Variants in KCNN2 observed in about 807,000 individuals in gnomAD.
KCNN2 encodes the protein potassium calcium-activated channel subfamily N member 2.
In KCNN2, 24 loss-of-function variants were observed where a neutral mutation model predicts 55.5. The ratio of observed to expected loss-of-function variants is 0.43; its 90% CI spans 0.31 to 0.61. KCNN2 has a LOEUF of 0.61. Among genes scored for constraint, KCNN2 ranks in the 20% least tolerant of loss-of-function variants. The probability of loss-of-function intolerance (pLI) is 0.08; values close to 1 mark genes in which losing one functional copy is unlikely to be tolerated. For missense variants in KCNN2, 754 were observed against 853.6 expected (o/e 0.88, Z 1.45); for synonymous variants, 431 against 336.1 (o/e 1.28, Z -3.09).
intron 1 of KCNN2, among the ~76,000 whole-genome samples, chr5:114,184,330 A>G (rs1412023039): frequency 6.6e-6 from 1 of 152,188 alleles, no homozygotes; most frequent in African/African-American, 2.4e-5. Flanking sequence ...AAATATTATC[A>G]GATTGGCAGC....
intron 2 of KCNN2, among the ~76,000 whole-genome samples, chr5:114,372,963 G>A (rs991686554): frequency 2.0e-5 from 3 of 152,040 alleles, no homozygotes; most frequent in Admixed American, 2.0e-4. Flanking sequence ...ATTAACTTTT[G>A]TGAGCATCTC....
At chr5:114,256,875 C>T (rs1754993180) in intron 2 of KCNN2, among the ~76,000 whole-genome samples, 1 of 152,034 alleles carries the variant, frequency 6.6e-6, no homozygotes, top group Non-Finnish European at 1.5e-5. Flanking sequence ...AATTAAGTCC[C>T]ATTTGTCTAT....
chr5:114,430,742 T>C (rs918472104), intron 3 of KCNN2, among the ~76,000 whole-genome samples: 15 of 152,066 alleles, frequency 9.9e-5, no homozygotes, highest in African/African-American at 3.4e-4. Flanking sequence ...TTTGTGGATG[T>C]TTTTTACCAA....
chr5:114,485,802 C>G (rs1027562888), intron 5 of KCNN2, among the ~76,000 whole-genome samples: 1 of 152,026 alleles, frequency 6.6e-6, no homozygotes, highest in East Asian at 1.9e-4. Context: ...TAATGTTGCT[C>G]AAAAAGAAAA....
chr5:114,366,278 G>T (rs901962722), intron 2 of KCNN2, among the ~76,000 whole-genome samples: 4 of 152,088 alleles, frequency 2.6e-5, no homozygotes, highest in African/African-American at 7.2e-5. Context: ...CTTCCTTACT[G>T]TTGGTCAACA....
intron 1 of KCNN2, among the ~76,000 whole-genome samples, chr5:114,115,357 T>C (rs563682462): frequency 1.3e-5 from 2 of 152,260 alleles, no homozygotes; most frequent in Non-Finnish European, 2.9e-5. Context: ...CCTCAGACCA[T>C]AGCTAGCATT....
chr5:114,310,970 C>T (rs1182275364), intron 2 of KCNN2, among the ~76,000 whole-genome samples: 1 of 152,072 alleles, frequency 6.6e-6, no homozygotes, highest in Non-Finnish European at 1.5e-5. Context: ...AAAGTCTACC[C>T]TCTTTTGCTG....
At chr5:114,425,305 C>T (rs1759586117) in intron 3 of KCNN2, among the ~76,000 whole-genome samples, 1 of 152,186 alleles carries the variant, frequency 6.6e-6, no homozygotes, top group African/African-American at 2.4e-5. Context: ...ATATATCATG[C>T]ATGTCTGAAG....
chr5:114,447,684 A>C (rs539625715), intron 3 of KCNN2, among the ~76,000 whole-genome samples: 37 of 152,316 alleles, frequency 2.4e-4, no homozygotes, highest in African/African-American at 8.4e-4. Flanking sequence ...TGGGGAAAAA[A>C]AAAGTTTGTT....
intron 2 of KCNN2, among the ~76,000 whole-genome samples, chr5:114,249,962 T>C (rs1754826189): frequency 1.3e-5 from 2 of 152,172 alleles, no homozygotes; most frequent in Admixed American, 1.3e-4. Flanking sequence ...ACGTATAACA[T>C]TCTTTTTATG....
At chr5:114,165,237 C>T (rs1261256468) in intron 1 of KCNN2, among the ~76,000 whole-genome samples, 2 of 152,068 alleles carry the variant, frequency 1.3e-5, no homozygotes, top group East Asian at 3.9e-4. Context: ...CTTCCTCCAC[C>T]TCCTCTGCCT....
intron 1 of KCNN2, among the ~76,000 whole-genome samples, chr5:114,072,501 T>C (rs1431590213): frequency 6.6e-6 from 1 of 152,174 alleles, no homozygotes; most frequent in Admixed American, 6.5e-5. Flanking sequence ...TAATTTAACA[T>C]GTTTGTAGTA....
intron 2 of KCNN2, among the ~76,000 whole-genome samples, chr5:114,240,399 A>G (rs1192182088): frequency 6.8e-6 from 1 of 147,872 alleles, no homozygotes; most frequent in East Asian, 2.0e-4. Context: ...TATTTTAAAA[A>G]GAAAGCTCAA....
At chr5:114,169,776 A>C (rs1238307608) in intron 1 of KCNN2, among the ~76,000 whole-genome samples, 1 of 152,088 alleles carries the variant, frequency 6.6e-6, no homozygotes, top group East Asian at 1.9e-4. Context: ...AGTTGGGATA[A>C]GTTACAGAAG....
At chr5:114,470,760 C>G (rs1305729515) in intron 4 of KCNN2, among the ~76,000 whole-genome samples, 2 of 152,126 alleles carry the variant, frequency 1.3e-5, no homozygotes, top group Non-Finnish European at 2.9e-5. Context: ...AATTTTGACC[C>G]TCTTGTTTTA....
At chr5:114,183,732 T>G (rs908107108) in intron 1 of KCNN2, among the ~76,000 whole-genome samples, 1 of 152,048 alleles carries the variant, frequency 6.6e-6, no homozygotes, top group Non-Finnish European at 1.5e-5. Context: ...CTCTCCTTTT[T>G]TTTTTTCTTT....
At chr5:114,169,142 G>T (rs552276679) in intron 1 of KCNN2, among the ~76,000 whole-genome samples, 1 of 152,174 alleles carries the variant, frequency 6.6e-6, no homozygotes, top group African/African-American at 2.4e-5. Flanking sequence ...TTCCAGCCCT[G>T]CTTCCTGTAC....
At chr5:114,441,088 A>T (rs534419696) in intron 3 of KCNN2, among the ~76,000 whole-genome samples, 1 of 152,308 alleles carries the variant, frequency 6.6e-6, no homozygotes, top group South Asian at 2.1e-4. Context: ...AACTAGTAGG[A>T]ATAAAAAAAG....
At chr5:114,270,525 T>A (rs1755305890) in intron 2 of KCNN2, among the ~76,000 whole-genome samples, 1 of 152,218 alleles carries the variant, frequency 6.6e-6, no homozygotes, top group Non-Finnish European at 1.5e-5. Context: ...TGCATGTCAA[T>A]ACTCTTGAAA....
Sources: gnomAD v4.1 joint callset for allele counts (sites outside exome capture counted in the v4.1 genomes callset) on GRCh38, gnomAD v4.1.1 for gene constraint, MANE v1.5 for transcripts, NCBI Gene and HGNC (gene_info 2026-07-23, HGNC 2026-07-21) for gene names.